The following MAGEA11 variants were observed in gnomAD, a reference collection of about 807,000 sequenced individuals.
The protein encoded by MAGEA11 is MAGE family member A11.
In MAGEA11, 1 loss-of-function variant was observed where a neutral mutation model predicts 8.4. The observed-to-expected ratio is 0.12, with a 90% CI of 0.04 to 0.57. MAGEA11 has a LOEUF of 0.57. MAGEA11 is among the 20% of genes least tolerant of loss of function. The pLI is 0.91. For synonymous variants in MAGEA11, 127 were observed against 119.3 expected (o/e 1.06, Z -0.42); for missense variants, 209 against 317.3 (o/e 0.66, Z 2.59).
intron 2 of MAGEA11, 138 bp downstream of exon 2, chrX:149,713,393 C>A: frequency 2.4e-6 from 1 of 415,590 alleles, no homozygotes. Flanking sequence ...AGGGAGGAGT[C>A]CCAGAGGGAG....
rs191369739 is a variant in MAGEA11 at position 149,714,172 on chromosome X, C to T, written c.97-309C>T. ...AGGGATCCCACAGAGTCTCTCTGTC[C>T]CCTGTCCTTGGCTGTGTGGGGACCT... On this transcript the variant is annotated intron_variant, in intron 2 of 4. Coordinates refer to ENST00000355220, the MANE Select transcript of MAGEA11 (RefSeq NM_005366.5). 7.8e-3 allele frequency: 2,038 copies of T among 261,547 alleles called. 7 individuals are homozygous for T. Among genetic ancestry groups the T allele is most frequent in the Non-Finnish European group, 0.012 (1,707 of 146,500 alleles). 21.6% of individuals were successfully genotyped at this position (261,547 alleles called of 1,213,427 possible).
At chrX:149,697,000 G>A (rs781897575) in intron 1 of MAGEA11, among the ~76,000 whole-genome samples, 1 of 111,462 alleles carries the variant, frequency 9.0e-6, no homozygotes, top group Non-Finnish European at 1.9e-5. Context: ...CTATCTTGTT[G>A]TCCTCTACGT....
chrX:149,688,657 C>CATACATATACATATACAT (rs58756024), upstream of MAGEA11, among the ~76,000 whole-genome samples: 870 of 98,811 alleles, frequency 8.8e-3, 8 homozygotes, highest in African/African-American at 0.031. Flanking sequence ...TACATATACA[C>CATACATATACATATACAT]ATACATATAC....
intron 1 of MAGEA11, among the ~76,000 whole-genome samples, chrX:149,701,769 T>C (rs1278142496): frequency 1.8e-5 from 2 of 111,458 alleles, no homozygotes; most frequent in Non-Finnish European, 3.8e-5. Context: ...GGATCCAGTT[T>C]CAGCCTTCTA....
upstream of MAGEA11, among the ~76,000 whole-genome samples, chrX:149,708,537 A>G (rs1410662548): frequency 1.8e-5 from 2 of 112,208 alleles, no homozygotes; most frequent in African/African-American, 6.5e-5. Flanking sequence ...GAGAGACCCA[A>G]GGGTGTCTGG....
intron 1 of MAGEA11, among the ~76,000 whole-genome samples, chrX:149,691,463 A>G (rs2124275985): frequency 8.9e-6 from 1 of 111,767 alleles, no homozygotes; most frequent in South Asian, 3.7e-4. Flanking sequence ...ATTTCTATAA[A>G]ATATTATTGG....
At chrX:149,698,047 A>G (rs2090337246) in intron 1 of MAGEA11, among the ~76,000 whole-genome samples, 1 of 112,265 alleles carries the variant, frequency 8.9e-6, no homozygotes, top group African/African-American at 3.2e-5. Flanking sequence ...TGTCTAAATT[A>G]CTCAGTCTTG....
At chrX:149,705,885 A>AC (rs1331859373) in intron 1 of MAGEA11, among the ~76,000 whole-genome samples, 1 of 108,915 alleles carries the variant, frequency 9.2e-6, no homozygotes, top group Non-Finnish European at 1.9e-5. Flanking sequence ...GTGCTGTGAG[A>AC]CCCCCTAGCT....
In MAGEA11 at chrX:149,713,275, C is replaced by T. The variant is rs782770625; in HGVS notation, c.96+20C>T. On this transcript the variant is annotated intron_variant, in intron 2 of 4. Coordinates refer to ENST00000355220, the MANE Select transcript of MAGEA11 (RefSeq NM_005366.5). ...CTCCAGGTCAGTAGGGACCTTGGCCCTTGGAGTTCCAAGGCACGGTGGCCA... is the reference window on the plus strand; with the variant it reads ...CTCCAGGTCAGTAGGGACCTTGGCCTTTGGAGTTCCAAGGCACGGTGGCCA... 9.4e-6 allele frequency: 10 copies of T among 1,068,114 alleles called. No homozygotes were observed. In the Admixed American group the frequency reaches 1.8e-4, roughly 19 times the overall value. 88.0% of individuals were successfully genotyped at this position (1,068,114 alleles called of 1,213,427 possible).
chrX:149,707,562 T>C (rs1433709028), upstream of MAGEA11, among the ~76,000 whole-genome samples: 1 of 112,553 alleles, frequency 8.9e-6, no homozygotes, highest in Non-Finnish European at 1.9e-5. Flanking sequence ...TGATTTATTT[T>C]TAAATCATGA....
intron 1 of MAGEA11, among the ~76,000 whole-genome samples, chrX:149,701,149 C>G (rs1329120204): frequency 9.0e-6 from 1 of 111,469 alleles, no homozygotes; most frequent in Admixed American, 9.5e-5. Flanking sequence ...ACACTGACTT[C>G]CACAAGGGTT....
rs781787312 is a variant in MAGEA11, at chrX:149,714,349, A to T, written c.97-132A>T. Reference sequence around the variant, plus strand: ...AGGACAGGCCCTGGCAGAAGTAAAGATGAAAAACCCACAGGAGGACTTTGG... The same window carrying T: ...AGGACAGGCCCTGGCAGAAGTAAAGTTGAAAAACCCACAGGAGGACTTTGG... On this transcript the variant is annotated intron_variant, in intron 2 of 4. Transcript: ENST00000355220. The T allele has an allele frequency of 1.8e-5, 18 of 990,216 alleles. No individual in the cohort carries two copies. The East Asian group carries it at 6.1e-4, about 34-fold the overall frequency. 81.6% of individuals were successfully genotyped at this position (990,216 alleles called of 1,213,427 possible).
Position 149,715,846 on chromosome X carries a change from C to T in MAGEA11, c.360C>T (p.Cys120=), listed in dbSNP as rs782488514. 2.5e-6 allele frequency: 3 copies of T among 1,211,013 alleles called. No individual in the cohort carries two copies. Among genetic ancestry groups the T allele is most frequent in the Non-Finnish European group, 1.1e-6 (1 of 895,074 alleles). ...CTCTTGAGCAAAGAAGTCAGCACTG[C>T]AAGCCTGAGGAAGGCCTTCAGGCCC... ...IMPLEQRSQH[C]KPEEGLQAQE... is the part of the protein sequence containing the mutation. The change falls in exon 5 of 5, where the codon TGC becomes TGT. Residue 120 remains cysteine (C), a synonymous_variant. Coordinates refer to ENST00000355220, the MANE Select transcript of MAGEA11 (RefSeq NM_005366.5).
At chrX:149,710,780 T>C (rs782376587), upstream of MAGEA11, among the ~76,000 whole-genome samples, 1 of 110,138 alleles carries the variant, frequency 9.1e-6, no homozygotes, top group East Asian at 2.8e-4. Context: ...GCGTTCAGTC[T>C]TGGGCTTCTA....
chrX:149,715,508 C>T lies in MAGEA11; in HGVS notation c.193-96C>T, dbSNP rs192402138. The T allele has an allele frequency of 5.0e-5, 29 of 577,554 alleles. No individual in the cohort carries two copies. In the East Asian group the frequency reaches 9.5e-4, roughly 19 times the overall value. The allele number at this position is 577,554 out of a possible 1,213,427, so 47.6% of individuals were successfully genotyped here. On this transcript the variant is annotated intron_variant, in intron 3 of 4. Transcript: ENST00000355220. Reference sequence around the variant, plus strand: ...ACCTGCCCCAGTACAGAAAGGGACCCCCAGCTTGCAACCTCACCTGCCCTA... The same window carrying T: ...ACCTGCCCCAGTACAGAAAGGGACCTCCAGCTTGCAACCTCACCTGCCCTA...
In MAGEA11 at chrX:149,713,208, A is replaced by C; in HGVS notation, c.49A>C (p.Ile17Leu). 2 of 1,207,744 alleles carry C rather than the reference A, an allele frequency of 1.7e-6. No individual in the cohort carries two copies. The highest frequency in any genetic ancestry group is 2.2e-6 in the Non-Finnish European group (2 of 893,481). Reference protein sequence around the residue: ...RGGLGCSPASIKRKKKREDSG... With the variant: ...RGGLGCSPASLKRKKKREDSG... Reference sequence around the variant, plus strand: ...GGGTCTGGGGTGCAGCCCTGCCAGCATCAAGAGGAAGAAGAAGAGGGAGGA... The same window carrying C: ...GGGTCTGGGGTGCAGCCCTGCCAGCCTCAAGAGGAAGAAGAAGAGGGAGGA... The change falls in exon 2 of 5, where the codon ATC (isoleucine) becomes CTC (leucine). Residue 17 changes from isoleucine to leucine, a missense_variant. Ile to Leu is a conservative substitution (Grantham distance 5, BLOSUM62 2). Around this residue, in one of 2 missense-constraint regions of MAGEA11, gnomAD observed 131 missense variants for 138.5 expected, o/e 0.95. Coordinates refer to ENST00000355220, the MANE Select transcript of MAGEA11 (RefSeq NM_005366.5).
chrX:149,695,064 C>A (rs1405812120), intron 1 of MAGEA11, among the ~76,000 whole-genome samples: 1 of 111,937 alleles, frequency 8.9e-6, no homozygotes, highest in East Asian at 2.8e-4. Context: ...TATTTGATGG[C>A]AGTTCACTCT....
chrX:149,702,233 C>A (rs191280594), intron 1 of MAGEA11, among the ~76,000 whole-genome samples: 34 of 111,351 alleles, frequency 3.1e-4, no homozygotes, highest in Non-Finnish European at 5.7e-4. Flanking sequence ...TCATGGCGAC[C>A]TTCTATCTTG....
rs141108852 is a variant in MAGEA11 at position 149,703,560 on chromosome X, C to T, written c.10-10921C>T. 5.2e-3 allele frequency among the ~76,000 whole-genome samples: 582 copies of T among 111,935 alleles called. 3 individuals carry two copies. The highest frequency in any genetic ancestry group is 9.2e-3 in the Middle Eastern group (2 of 218). ...GAGGAATTCTTCAAAGCAACTCTCACAGACCTATGTGTTGATCTAGGTCCT... is the reference window on the plus strand; with the variant it reads ...GAGGAATTCTTCAAAGCAACTCTCATAGACCTATGTGTTGATCTAGGTCCT... On this transcript the variant is annotated intron_variant, in intron 1 of 3. Coordinates refer to the MAGEA11 transcript ENST00000333104.
Sources: gnomAD v4.1 joint callset for allele counts (sites outside exome capture counted in the v4.1 genomes callset) on GRCh38, gnomAD v4.1.1 for gene constraint, gnomAD v4.1.1 regional missense constraint, MANE v1.5 for transcripts, NCBI Gene and HGNC (gene_info 2026-07-23, HGNC 2026-07-21) for gene names.